IKZF1: variants seen among roughly 807,000 people sequenced by gnomAD.
The protein encoded by IKZF1 is IKAROS family zinc finger 1.
Under a neutral mutation model 51.7 loss-of-function variants are expected in IKZF1, and 10 were observed. The observed-to-expected ratio is 0.19, with a 90% confidence interval of 0.12 to 0.33. IKZF1 has a LOEUF of 0.33. Among genes scored for constraint, IKZF1 ranks in the 10% least tolerant of loss-of-function variants. The pLI is 1.00. For missense variants in IKZF1, 484 were observed against 707.5 expected (o/e 0.68, Z 3.58); for synonymous variants, 280 against 282.3 (o/e 0.99, Z 0.08).
chr7:50,329,981 C>G (rs1054589332), intron 3 of IKZF1, among the ~76,000 whole-genome samples: 6 of 152,204 alleles, frequency 3.9e-5, no homozygotes, highest in Admixed American at 3.3e-4. Context: ...GTGTCAGTAT[C>G]CTGTCCCTTA....
chr7:50,387,586 G>C, intron 6 of IKZF1, 116 bp downstream of exon 6: 1 of 1,382,938 alleles, frequency 7.2e-7, no homozygotes, highest in East Asian at 2.8e-5. Context: ...TCCTGCCGGG[G>C]CTAGGAGGGA....
At chr7:50,317,702 C>T (rs1253288109) in intron 1 of IKZF1, among the ~76,000 whole-genome samples, 2 of 152,198 alleles carry the variant, frequency 1.3e-5, no homozygotes, top group Non-Finnish European at 2.9e-5. Flanking sequence ...ATATCCTCAT[C>T]ATGACTAATA....
intron 1 of IKZF1, among the ~76,000 whole-genome samples, chr7:50,313,851 C>T (rs1165508381): frequency 1.3e-5 from 2 of 152,226 alleles, no homozygotes; most frequent in Admixed American, 6.5e-5. Flanking sequence ...ACAAGACAGA[C>T]AACACCCATG....
chr7:50,308,694 GT>G (rs1789401060), intron 1 of IKZF1: 1 of 152,250 alleles, frequency 6.6e-6, no homozygotes, highest in Non-Finnish European at 1.5e-5. Context: ...TTGGCAAGTG[GT>G]TCCACCTTTC....
intron 3 of IKZF1, among the ~76,000 whole-genome samples, chr7:50,337,054 G>A (rs1329225340): frequency 3.9e-5 from 6 of 152,142 alleles, no homozygotes; most frequent in Non-Finnish European, 5.9e-5. Flanking sequence ...TCTGGGGGTT[G>A]GCGGTGGGTT....
intron 7 of IKZF1, among the ~76,000 whole-genome samples, chr7:50,398,794 T>C (rs565961730): frequency 2.5e-4 from 38 of 152,366 alleles, no homozygotes; most frequent in African/African-American, 8.2e-4. Context: ...GACTCATTAA[T>C]GTACCACTGC....
chr7:50,306,301 A>G (rs971224168), intron 1 of IKZF1, among the ~76,000 whole-genome samples: 1 of 152,206 alleles, frequency 6.6e-6, no homozygotes, highest in African/African-American at 2.4e-5. Flanking sequence ...TACATTTTTT[A>G]CATGAAAAAA....
At chr7:50,305,368 C>A (rs1358218561) in intron 1 of IKZF1, among the ~76,000 whole-genome samples, 1 of 152,166 alleles carries the variant, frequency 6.6e-6, no homozygotes, top group Non-Finnish European at 1.5e-5. Context: ...AAAAGTTAGT[C>A]CTTTTGCTGA....
chr7:50,342,023 A>G (rs1295820191), intron 3 of IKZF1, among the ~76,000 whole-genome samples: 2 of 152,240 alleles, frequency 1.3e-5, no homozygotes, highest in African/African-American at 2.4e-5. Flanking sequence ...TGTTAGCCAA[A>G]GACTAGTCAT....
rs1246622228 is a variant in IKZF1, at chr7:50,387,492, C to G, written c.715+22C>G. 3 of 1,596,272 alleles carry G rather than the reference C, an allele frequency of 1.9e-6. No homozygotes were observed. In the South Asian group the frequency reaches 3.4e-5, roughly 18 times the overall value. On this transcript the variant is annotated intron_variant, in intron 6 of 7. Coordinates refer to ENST00000331340, the MANE Select transcript of IKZF1 (RefSeq NM_006060.6). ...CCAGGTAAGCGCTGCTGCTCGGAGGCCAGCCTGGTGGGCTCTCCCCCCAGC... is the reference window on the plus strand; with the variant it reads ...CCAGGTAAGCGCTGCTGCTCGGAGGGCAGCCTGGTGGGCTCTCCCCCCAGC...
rs760112671 is a variant in IKZF1, at chr7:50,404,494, G to A, written c.*3867G>A. The A allele has an allele frequency of 4.3e-6, 1 of 229,976 alleles. No individual in the cohort carries two copies. Among genetic ancestry groups the A allele is most frequent in the East Asian group, 6.2e-5 (1 of 16,258 alleles). The allele number at this position is 229,976 out of a possible 1,614,324, so 14.2% of individuals were successfully genotyped here. A position where few individuals can be genotyped will look rare whatever the true frequency, so the allele number is the denominator to read the frequency against. ...CGTAAGAGAAGGCCCAGCAGAGCAG[G>A]AATCTGCCTAGACTTTCTCCCAATG... is the stretch of plus-strand genomic sequence containing the variant. On this transcript the variant is annotated 3_prime_UTR_variant, in exon 8 of 8. Coordinates refer to ENST00000331340, the MANE Select transcript of IKZF1 (RefSeq NM_006060.6).
intron 2 of IKZF1, among the ~76,000 whole-genome samples, chr7:50,325,817 T>C (rs7458716): frequency 0.11 from 16,590 of 152,102 alleles, 1,564 homozygotes; most frequent in African/African-American, 0.25. Flanking sequence ...AAAATAGTAG[T>C]GACTTAATGC....
intron 1 of IKZF1, among the ~76,000 whole-genome samples, chr7:50,307,097 C>T (rs1788993230): frequency 6.6e-6 from 1 of 152,104 alleles, no homozygotes; most frequent in Admixed American, 6.5e-5. Context: ...TAAAGGCCCC[C>T]TTTATTTTTA....
intron 3 of IKZF1, chr7:50,368,403 A>G (rs1230065510): frequency 1.6e-6 from 1 of 644,172 alleles, no homozygotes; most frequent in Non-Finnish European, 2.8e-6. Context: ...TAAAATGGCC[A>G]TATTTTCTGT....
At chr7:50,348,830 T>A (rs542510332) in intron 3 of IKZF1, among the ~76,000 whole-genome samples, 36 of 152,176 alleles carry the variant, frequency 2.4e-4, no homozygotes, top group African/African-American at 8.7e-4. Flanking sequence ...CTAAGGAGAG[T>A]TGTCCTTCAA....
At chr7:50,308,396 CTGGTAATAAACTG>C (rs150990841) in intron 1 of IKZF1, among the ~76,000 whole-genome samples, 1,934 of 152,308 alleles carry the variant, frequency 0.013, 46 homozygotes, top group African/African-American at 0.045. Flanking sequence ...AGCCAACCAC[CTGGTAATAAACTG>C]TTAAAAATGG....
chr7:50,398,879 A>G (rs1817388626), intron 7 of IKZF1, among the ~76,000 whole-genome samples: 1 of 152,382 alleles, frequency 6.6e-6, no homozygotes, highest in South Asian at 2.1e-4. Context: ...TAATTAAGCC[A>G]TGATTTCATA....
At chr7:50,352,330 G>T (rs981549677) in intron 3 of IKZF1, among the ~76,000 whole-genome samples, 1 of 152,156 alleles carries the variant, frequency 6.6e-6, no homozygotes, top group African/African-American at 2.4e-5. Context: ...CTTCTAATCT[G>T]CTGGGAATTA....
chr7:50,327,918 G>C, intron 3 of IKZF1, 161 bp downstream of exon 3: 1 of 829,118 alleles, frequency 1.2e-6, no homozygotes, highest in Non-Finnish European at 1.8e-6. Context: ...GGGGTCCTCT[G>C]GTGTGTGGGA....
Sources: allele counts gnomAD v4.1 joint callset (sites outside exome capture counted in the v4.1 genomes callset), GRCh38; gene constraint gnomAD v4.1.1; transcripts MANE v1.5; gene names NCBI Gene and HGNC (gene_info 2026-07-23, HGNC 2026-07-21).